POLR1A: variants seen among roughly 807,000 people sequenced by gnomAD.
POLR1A encodes the protein DNA-directed RNA polymerase I subunit RPA1.
In POLR1A, 84 loss-of-function variants were observed where a neutral mutation model predicts 205.3. The observed-to-expected ratio is 0.41, with a 90% CI of 0.34 to 0.49. POLR1A has a LOEUF of 0.49. Among genes scored for constraint, POLR1A ranks in the 20% least tolerant of loss-of-function variants. The pLI is 0.22. For missense variants in POLR1A, 1,645 were observed against 2,204.5 expected (o/e 0.75, Z 5.08); for synonymous variants, 799 against 863.7 (o/e 0.93, Z 1.31).
chr2:86,091,130 G>A (rs1470631389), intron 3 of POLR1A, among the ~76,000 whole-genome samples: 1 of 152,134 alleles, frequency 6.6e-6, no homozygotes, highest in Non-Finnish European at 1.5e-5. Context: ...AGGCCATCCA[G>A]GGAGCTTTAA....
chr2:86,098,659 T>G lies in POLR1A; in HGVS notation c.384A>C (p.Glu128Asp), dbSNP rs761318268. 6.2e-7 allele frequency: 1 copy of G among 1,613,824 alleles called. No homozygotes were observed. The highest frequency in any genetic ancestry group is 8.5e-7 in the Non-Finnish European group (1 of 1,179,940). Residue 128 changes from glutamate to aspartate, a missense_variant, in exon 3 of 34, where the codon GAA becomes GAC. Physicochemically the swap from Glu to Asp is conservative, Grantham distance 45. Transcript: ENST00000263857. ...CGTAGACTGCTTGTAGGGCCCCGAC[T>G]TCCAGAACCCTCAGCTGGCAGAGTA... ...HLLLCQLRVL[E>D]VGALQAVYEL...
Position 86,080,805 on chromosome 2 carries a change from G to A in POLR1A, c.1086+11C>T, listed in dbSNP as rs773368536. ...GTGTGCTCATCACATCAGCAACAGA[G>A]CAGCCCTGACCTCATCTGTAGTGGG... On this transcript the variant is annotated intron_variant, in intron 9 of 33. Transcript: ENST00000263857. The A allele has an allele frequency of 6.2e-6, 10 of 1,600,108 alleles. No individual in the cohort carries two copies. In the African/African-American group the frequency reaches 1.3e-4, roughly 21 times the overall value.
intron 27 of POLR1A, among the ~76,000 whole-genome samples, chr2:86,036,726 C>T (rs1453424964): frequency 6.6e-6 from 1 of 152,216 alleles, no homozygotes; most frequent in Non-Finnish European, 1.5e-5. Flanking sequence ...AACCCCTCAG[C>T]CCCATTCTGC....
In POLR1A at chr2:86,044,288, G is replaced by C. The variant is rs775524948; in HGVS notation, c.2986C>G (p.Leu996Val). ...TCATACTGCACGACCAGCCCCTCTA[G>C]GTGCTTGATGATGCACCTGTAAGGA... The part of the protein sequence containing the change: ...GYLQRCIIKH[L>V]EGLVVQYDLT... The change falls in exon 22 of 34, where the codon CTA becomes GTA. Residue 996 changes from leucine to valine, a missense_variant. By Grantham distance (32) the Leu-to-Val change is conservative. Coordinates refer to ENST00000263857, the MANE Select transcript of POLR1A (RefSeq NM_015425.6). 15 of 1,614,174 alleles carry C rather than the reference G, an allele frequency of 9.3e-6. No homozygotes were observed. The highest frequency in any genetic ancestry group is 1.3e-5 in the Non-Finnish European group (15 of 1,180,014).
chr2:86,078,416 G>T, intron 9 of POLR1A, 132 bp from the exon 10 acceptor site: 1 of 628,512 alleles, frequency 1.6e-6, no homozygotes, highest in Non-Finnish European at 2.7e-6. Flanking sequence ...GAACCTGACA[G>T]ATCAGAGACA....
At chr2:86,065,577 C>CCT (rs1673072364) in intron 13 of POLR1A, 112 bp from the exon 14 acceptor site, 1 of 851,264 alleles carries the variant, frequency 1.2e-6, no homozygotes, top group Admixed American at 2.6e-5. Context: ...TTCTTATATC[C>CCT]CTGTCTTGTC....
intron 12 of POLR1A, among the ~76,000 whole-genome samples, chr2:86,074,712 C>T (rs955656666): frequency 2.6e-5 from 4 of 152,172 alleles, no homozygotes; most frequent in Admixed American, 1.3e-4. Context: ...CTGGAAAGCA[C>T]GGTAAAGAAA....
intron 28 of POLR1A, 30 bp from the exon 29 acceptor site, chr2:86,032,412 T>A (rs1329818506): frequency 6.9e-7 from 1 of 1,447,760 alleles, no homozygotes; most frequent in South Asian, 1.1e-5. Context: ...AAGAAAAAGA[T>A]TAACTCCAAT....
chr2:86,056,850 A>G (rs1362853625), intron 14 of POLR1A, among the ~76,000 whole-genome samples: 1 of 152,208 alleles, frequency 6.6e-6, no homozygotes, highest in Non-Finnish European at 1.5e-5. Context: ...CTGCTCTGAA[A>G]AAAAGGTTCC....
chr2:86,072,307 TG>T (rs1175072756), intron 12 of POLR1A, among the ~76,000 whole-genome samples: 1 of 152,244 alleles, frequency 6.6e-6, no homozygotes, highest in Admixed American at 6.5e-5. Flanking sequence ...CCCAGGGCAC[TG>T]GCTGCTGTCT....
chr2:86,104,352 G>A (rs977129809), intron 1 of POLR1A, among the ~76,000 whole-genome samples: 1 of 151,722 alleles, frequency 6.6e-6, no homozygotes, highest in Non-Finnish European at 1.5e-5. Context: ...GAGAGATCTA[G>A]AATAATTTTC....
chr2:86,070,040 T>C lies in POLR1A; in HGVS notation c.1844A>G (p.Asp615Gly). ...TACCTTGGGAACAAGGTACTGCTGA[T>C]CAGTGCAGGCCAGGACGTAGGCCTC... ...RAEAYVLACT[D>G]QQYLVPKDGQ... The change falls in exon 13 of 34, where the codon GAT (aspartate) becomes GGT (glycine). Residue 615 changes from aspartate to glycine, a missense_variant. By Grantham distance (94) the Asp-to-Gly change is moderately conservative. Around this residue, in one of 16 missense-constraint regions of POLR1A, gnomAD observed 24 missense variants for 52.1 expected, o/e 0.46. Transcript: ENST00000263857. The surrounding 1 kb of genome is among the most constrained non-coding windows in gnomAD (Gnocchi z 4.4). 6.2e-7 allele frequency: 1 copy of C among 1,613,820 alleles called. No homozygotes were observed.
chr2:86,078,789 C>T (rs953850001), intron 9 of POLR1A, among the ~76,000 whole-genome samples: 2 of 152,244 alleles, frequency 1.3e-5, no homozygotes, highest in African/African-American at 4.8e-5. Context: ...ATGTCATCAA[C>T]TAAGATGTGG....
chr2:86,055,644 C>A (rs578153444), intron 14 of POLR1A, among the ~76,000 whole-genome samples: 1 of 152,322 alleles, frequency 6.6e-6, no homozygotes, highest in South Asian at 2.1e-4. Context: ...TGAAAGGTAA[C>A]AGAAACACAC....
chr2:86,103,229 G>A (rs1193361827), intron 1 of POLR1A, among the ~76,000 whole-genome samples: 1 of 152,186 alleles, frequency 6.6e-6, no homozygotes, highest in Non-Finnish European at 1.5e-5. Flanking sequence ...AAGGCTGAAG[G>A]AGTTGAGGGA....
intron 28 of POLR1A, 55 bp from the exon 29 acceptor site, chr2:86,032,437 G>T: frequency 8.0e-7 from 1 of 1,252,296 alleles, no homozygotes; most frequent in Non-Finnish European, 1.2e-6. Flanking sequence ...AGTGCTCAGT[G>T]AATCCATCCA....
chr2:86,061,152 AAAC>A (rs1243302690), intron 14 of POLR1A, among the ~76,000 whole-genome samples: 3 of 152,138 alleles, frequency 2.0e-5, no homozygotes, highest in Non-Finnish European at 4.4e-5. Context: ...CAGAAAAAGA[AAAC>A]AACAACAACA....
rs757210116 is a variant in POLR1A, at chr2:86,097,214, C to CAAAAAAAAAAAAAAAAAAAAAAAAA, written c.432+1372_432+1396dup. 5.8e-4 allele frequency among the ~76,000 whole-genome samples: 23 copies of CAAAAAAAAAAAAAAAAAAAAAAAAA among 39,692 alleles called. 8 individuals are homozygous for CAAAAAAAAAAAAAAAAAAAAAAAAA. Among genetic ancestry groups the CAAAAAAAAAAAAAAAAAAAAAAAAA allele is most frequent in the African/African-American group, 1.1e-3 (11 of 10,110 alleles). The allele number at this position is 39,692 out of a possible 152,430, so 26.0% of individuals were successfully genotyped here. Reference sequence around the variant, plus strand: ...CATTAGGATGGCTATCCCCAAAAGACAAAAAAAAAAAAAAAAAAAAAAAAA... The same window carrying CAAAAAAAAAAAAAAAAAAAAAAAAA: ...CATTAGGATGGCTATCCCCAAAAGACAAAAAAAAAAAAAAAAAAAAAAAAAAAAAAAAAAAAAAAAAAAAAAAAAA... On this transcript the variant is annotated intron_variant, in intron 3 of 33. Transcript: ENST00000263857.
Position 86,098,702 on chromosome 2 carries a change from C to T in POLR1A, c.341G>A (p.Arg114Gln), listed in dbSNP as rs754892320. 8.7e-6 allele frequency: 14 copies of T among 1,613,702 alleles called. No individual in the cohort carries two copies. The highest frequency in any genetic ancestry group is 3.3e-5 in the Admixed American group (2 of 59,954). The stretch of plus-strand genomic sequence containing the variant: ...GCAGAGTAAGAGGTGAATCACGGCC[C>T]GGGGACAAGTCAGCATGTGGCAGTT... ...CLNCHMLTCP[R>Q]AVIHLLLCQL... Residue 114 changes from arginine to glutamine, a missense_variant, in exon 3 of 34, where the codon CGG (arginine) becomes CAG (glutamine). By Grantham distance (43) the Arg-to-Gln change is conservative. Transcript: ENST00000263857.
Sources: allele counts gnomAD v4.1 joint callset (sites outside exome capture counted in the v4.1 genomes callset), GRCh38; gene constraint gnomAD v4.1.1; regional missense constraint gnomAD v4.1.1; non-coding constraint Gnocchi (gnomAD v3.1); transcripts MANE v1.5; gene names NCBI Gene and HGNC (gene_info 2026-07-23, HGNC 2026-07-21).